UQCRC2: variants seen among roughly 807,000 people sequenced by gnomAD.
The protein encoded by UQCRC2 is cytochrome b-c1 complex subunit 2, mitochondrial.
UQCRC2 carries 49 observed loss-of-function variants against 55.6 expected under a neutral mutation model. The ratio of observed to expected loss-of-function variants is 0.88; its 90% confidence interval spans 0.70 to 1.12. The LOEUF (loss-of-function observed/expected upper bound fraction) is 1.12. Ranked by LOEUF, UQCRC2 falls within the 50% of genes most tolerant of loss-of-function variation. UQCRC2 has a pLI of 0.00. For missense variants in UQCRC2, 506 were observed against 547.8 expected, an observed-to-expected ratio of 0.92 and a Z score of 0.76; for synonymous variants, 193 against 192.0, an observed-to-expected ratio of 1.01 and a Z score of -0.04.
Position 21,968,595 on chromosome 16 carries a change from A to C in UQCRC2, c.613-33A>C, listed in dbSNP as rs771532333. 1.1e-5 allele frequency: 18 copies of C among 1,566,342 alleles called. No homozygotes were observed. The East Asian group carries it at 3.9e-4, about 34-fold the overall frequency. ...TTTACAGCTTTTTATATTTATGCTA[A>C]TATAACCTAATAAGTGTTTTTAACT... On this transcript the variant is annotated intron_variant, in intron 7 of 13. Transcript: ENST00000268379.
chr16:21,981,108 T>G (rs1383184129), intron 13 of UQCRC2, among the ~76,000 whole-genome samples: 1 of 152,178 alleles, frequency 6.6e-6, no homozygotes, highest in Non-Finnish European at 1.5e-5. Flanking sequence ...ACCTAAATAG[T>G]GAAGTTTGCT....
At chr16:21,964,387 T>A (rs1308186056) in intron 6 of UQCRC2, among the ~76,000 whole-genome samples, 1 of 152,074 alleles carries the variant, frequency 6.6e-6, no homozygotes, top group Non-Finnish European at 1.5e-5. Context: ...CACACGGCCA[T>A]TACAGTGATC....
intron 4 of UQCRC2, chr16:21,962,107 G>T: frequency 4.9e-6 from 1 of 202,616 alleles, no homozygotes; most frequent in Non-Finnish European, 1.0e-5. Flanking sequence ...TTTGGCAACT[G>T]CCATTCTCTT....
At chr16:21,971,456 G>A in intron 8 of UQCRC2, 69 bp from the exon 9 acceptor site, 1 of 1,322,124 alleles carries the variant, frequency 7.6e-7, no homozygotes, top group Non-Finnish European at 1.1e-6. Flanking sequence ...TTAAAACAAG[G>A]AAAAAATATT....
chr16:21,962,752 C>G lies in UQCRC2; in HGVS notation c.390-9C>G, dbSNP rs562356282. 1.4e-5 allele frequency: 23 copies of G among 1,614,090 alleles called. No homozygotes were observed. The East Asian group carries it at 2.5e-4, about 17-fold the overall frequency. On this transcript the variant is annotated splice_polypyrimidine_tract_variant and intron_variant, in intron 5 of 13. Coordinates refer to ENST00000268379, the MANE Select transcript of UQCRC2 (RefSeq NM_003366.4). ...TGACTCATAATTCTTATCTCGATGTCTTCTGTAGTGATATTCTAATGGAGT... is the reference window on the plus strand; with the variant it reads ...TGACTCATAATTCTTATCTCGATGTGTTCTGTAGTGATATTCTAATGGAGT...
chr16:21,980,509 T>C (rs1244969796), intron 12 of UQCRC2, 38 bp from the exon 13 acceptor site: 1 of 1,595,464 alleles, frequency 6.3e-7, no homozygotes, highest in African/African-American at 1.4e-5. Flanking sequence ...AATAATTGCC[T>C]TGCTCTCTAA....
At chr16:21,980,150 C>T (rs1898683032) in intron 12 of UQCRC2, 1 of 190,720 alleles carries the variant, frequency 5.2e-6, no homozygotes, top group East Asian at 1.2e-4. Flanking sequence ...CCTCACTGTG[C>T]CAGTGGGCAG....
At chr16:21,953,793 C>T (rs999730638) in intron 1 of UQCRC2, among the ~76,000 whole-genome samples, 2 of 152,208 alleles carry the variant, frequency 1.3e-5, no homozygotes, top group Non-Finnish European at 2.9e-5. Context: ...GGACGGCGCA[C>T]TTAGCCCCCC....
Position 21,971,913 on chromosome 16 carries a change from C to G in UQCRC2, c.767-10C>G. 1 of 1,613,530 alleles carries G rather than the reference C, an allele frequency of 6.2e-7. No individual in the cohort carries two copies. Among genetic ancestry groups the G allele is most frequent in the Non-Finnish European group, 8.5e-7 (1 of 1,180,014 alleles). On this transcript the variant is annotated splice_polypyrimidine_tract_variant and intron_variant, in intron 9 of 13. Transcript: ENST00000268379. ...TTTTCTTCTTCCCTCTATCCTTAATCTGGCCCCAGGTGAAATCCGAGAACA... is the reference window on the plus strand; with the variant it reads ...TTTTCTTCTTCCCTCTATCCTTAATGTGGCCCCAGGTGAAATCCGAGAACA...
At chr16:21,972,994 G>A (rs1898499936) in intron 10 of UQCRC2, among the ~76,000 whole-genome samples, 1 of 152,218 alleles carries the variant, frequency 6.6e-6, no homozygotes. Context: ...CAGCTACTTG[G>A]GAGGCTGAGG....
intron 5 of UQCRC2, 61 bp downstream of exon 5, chr16:21,962,577 T>C (rs752775175): frequency 6.2e-7 from 1 of 1,610,158 alleles, no homozygotes. Flanking sequence ...TGCTCACTTC[T>C]GGTCTTTGTA....
intron 6 of UQCRC2, 186 bp downstream of exon 6, chr16:21,963,071 C>G: frequency 1.7e-6 from 1 of 591,080 alleles, no homozygotes; most frequent in Non-Finnish European, 2.6e-6. Context: ...TCACTGCAAC[C>G]TCCAGCTCCC....
At chr16:21,973,820 T>G in intron 10 of UQCRC2, 76 bp from the exon 11 acceptor site, 4 of 1,416,112 alleles carry the variant, frequency 2.8e-6, no homozygotes, top group Middle Eastern at 1.9e-4. Context: ...CCAAGTTTTT[T>G]CTAGGCAAAC....
chr16:21,983,398 G>T lies in UQCRC2; in HGVS notation c.*227G>T, dbSNP rs1312779976. ...GAGTTAATCAACAAGTATTTATTAT[G>T]TGCTGATATCTTTGTTTTAGATGCT... On this transcript the variant is annotated 3_prime_UTR_variant, in exon 14 of 14. Transcript: ENST00000268379. 1.6e-5 allele frequency: 8 copies of T among 496,444 alleles called. No individual in the cohort carries two copies. Among genetic ancestry groups the T allele is most frequent in the Non-Finnish European group, 2.5e-5 (7 of 285,256 alleles). 30.8% of individuals were successfully genotyped at this position (496,444 alleles called of 1,614,324 possible).
rs143049271 is a variant in UQCRC2, at chr16:21,983,361, G to T, written c.*190G>T. On this transcript the variant is annotated 3_prime_UTR_variant, in exon 14 of 14. Coordinates refer to ENST00000268379, the MANE Select transcript of UQCRC2 (RefSeq NM_003366.4). ...CATTCTGTTTAAGTGTTTTTCTTAC[G>T]TTTTTCTCAATGAGTTAATCAACAA... The T allele has an allele frequency of 9.4e-6, 5 of 532,192 alleles. No individual in the cohort carries two copies. In the East Asian group the frequency reaches 1.2e-4, roughly 13 times the overall value. The allele number at this position is 532,192 out of a possible 1,614,324, so 33.0% of individuals were successfully genotyped here.
At chr16:21,955,117 A>G (rs1012990727) in intron 1 of UQCRC2, among the ~76,000 whole-genome samples, 1 of 152,144 alleles carries the variant, frequency 6.6e-6, no homozygotes, top group South Asian at 2.1e-4. Context: ...TTGGTTGGAA[A>G]ACACCTAAAA....
chr16:21,967,543 A>G (rs1384936103), intron 7 of UQCRC2, among the ~76,000 whole-genome samples: 1 of 152,082 alleles, frequency 6.6e-6, no homozygotes, highest in Non-Finnish European at 1.5e-5. Context: ...TATTAAGCCT[A>G]AGGTGGTAAT....
intron 7 of UQCRC2, among the ~76,000 whole-genome samples, chr16:21,965,842 T>C (rs541314050): frequency 1.1e-4 from 16 of 152,274 alleles, no homozygotes; most frequent in African/African-American, 2.6e-4. Flanking sequence ...TCTGTGTGTA[T>C]GTATCTTTTT....
intron 13 of UQCRC2, among the ~76,000 whole-genome samples, chr16:21,982,361 G>A (rs1385120727): frequency 6.6e-6 from 1 of 152,116 alleles, no homozygotes; most frequent in African/African-American, 2.4e-5. Flanking sequence ...AGGGTATCAA[G>A]TTTTACTTTT....
Sources: allele counts gnomAD v4.1 joint callset (sites outside exome capture counted in the v4.1 genomes callset), GRCh38; gene constraint gnomAD v4.1.1; transcripts MANE v1.5; gene names NCBI Gene and HGNC (gene_info 2026-07-23, HGNC 2026-07-21).